Variants in SIRT3 observed in about 807,000 individuals in gnomAD.
SIRT3 encodes the protein sirtuin 3.
SIRT3 carries 26 observed loss-of-function variants against 33.5 expected under a neutral mutation model. That is an observed-to-expected ratio of 0.78 (90% confidence interval 0.57 to 1.08). The LOEUF (loss-of-function observed/expected upper bound fraction) is 1.08. Among genes scored for constraint, SIRT3 ranks in the 50% least tolerant of loss-of-function variants. SIRT3 has a pLI of 0.00. For missense variants in SIRT3, 585 were observed against 530.1 expected, an observed-to-expected ratio of 1.10 and a Z score of -1.02; for synonymous variants, 237 against 222.1, an observed-to-expected ratio of 1.07 and a Z score of -0.60.
chr11:222,091 C>G (rs1474082882), intron 5 of SIRT3, among the ~76,000 whole-genome samples: 2 of 152,184 alleles, frequency 1.3e-5, no homozygotes, highest in Non-Finnish European at 2.9e-5. Flanking sequence ...GTGTCCACAC[C>G]TGGTGGCCAG....
Position 223,697 on chromosome 11 carries a change from T to C in SIRT3, c.969+381A>G, listed in dbSNP as rs1856739772. ...CTCCAAAGCCCAGCAGCTTCCCACC[T>C]TCCTGTCTCCTGCACAGGCTGCTGC... On this transcript the variant is annotated intron_variant, in intron 5 of 6. Coordinates refer to ENST00000382743, the MANE Select transcript of SIRT3 (RefSeq NM_012239.6). The surrounding 1 kb of genome is among the most constrained non-coding windows in gnomAD (Gnocchi z 4.8). 1.6e-6 allele frequency: 1 copy of C among 617,400 alleles called. No homozygotes were observed. The highest frequency in any genetic ancestry group is 1.5e-5 in the South Asian group (1 of 66,356). The allele number at this position is 617,400 out of a possible 1,614,324, so 38.2% of individuals were successfully genotyped here.
chr11:219,167 A>G lies in SIRT3; in HGVS notation c.970-126T>C, dbSNP rs1856070933. 7.5e-6 allele frequency: 9 copies of G among 1,197,116 alleles called. No individual in the cohort carries two copies. The Admixed American group carries it at 7.7e-5, about 10-fold the overall frequency. 74.2% of individuals were successfully genotyped at this position (1,197,116 alleles called of 1,614,324 possible). A position where few individuals can be genotyped will look rare whatever the true frequency, so the allele number is the denominator to read the frequency against. ...GGCAGTCAGAGCCTGCGATATAGGGAAAACCCACCACCAATCTCATTTCTT... is the reference window on the plus strand; with the variant it reads ...GGCAGTCAGAGCCTGCGATATAGGGGAAACCCACCACCAATCTCATTTCTT... On this transcript the variant is annotated intron_variant, in intron 5 of 6. Coordinates refer to ENST00000382743, the MANE Select transcript of SIRT3 (RefSeq NM_012239.6).
rs201113817 is a variant in SIRT3, at chr11:215,738, G to A, written c.*960C>T. 6.6e-6 allele frequency: 1 copy of A among 152,318 alleles called. No homozygotes were observed. Among genetic ancestry groups the A allele is most frequent in the Non-Finnish European group, 1.5e-5 (1 of 68,138 alleles). 9.4% of individuals were successfully genotyped at this position (152,318 alleles called of 1,614,324 possible). ...GCTGGGCCTGGGTACAGCCCCAGGA[G>A]AAGGAGCCTGTGCAGAAGTAGCAGT... On this transcript the variant is annotated 3_prime_UTR_variant, in exon 7 of 7. Transcript: ENST00000382743.
upstream of SIRT3, chr11:236,356 G>T: frequency 8.5e-7 from 1 of 1,179,898 alleles, no homozygotes; most frequent in Non-Finnish European, 1.0e-6. Context: ...GAGTCCTCCG[G>T]ACTCGCCCCG....
chr11:225,567 T>C (rs1350360567), intron 4 of SIRT3: 1 of 152,146 alleles, frequency 6.6e-6, no homozygotes, highest in Non-Finnish European at 1.5e-5. Context: ...TCAATGTCTG[T>C]TTTGAGTTGC....
chr11:226,582 T>C (rs573430926), intron 4 of SIRT3, among the ~76,000 whole-genome samples: 4 of 151,196 alleles, frequency 2.6e-5, no homozygotes, highest in African/African-American at 9.7e-5. Flanking sequence ...CTCATCTTTG[T>C]ATTTTTAGTA....
chr11:224,808 C>A (rs7946581), intron 4 of SIRT3, among the ~76,000 whole-genome samples: 23,762 of 151,904 alleles, frequency 0.16, 2,350 homozygotes, highest in Middle Eastern at 0.22. Context: ...ACACAACTTC[C>A]CTTTGCGTCA....
upstream of SIRT3, chr11:236,405 G>T: frequency 8.6e-6 from 3 of 350,248 alleles, no homozygotes; most frequent in Non-Finnish European, 9.9e-6. Flanking sequence ...TCCCACCCCC[G>T]CCCCCGGCGC....
Position 233,078 on chromosome 11 carries a change from T to TAG in SIRT3, c.609_610dup (p.Tyr204SerfsTer70). 6.2e-7 allele frequency: 1 copy of TAG among 1,614,144 alleles called. No homozygotes were observed. Among genetic ancestry groups the TAG allele is most frequent in the Non-Finnish European group, 8.5e-7 (1 of 1,180,024 alleles). On this transcript the variant is annotated frameshift_variant, in exon 3 of 7. Transcript: ENST00000382743. LOFTEE classifies it high-confidence loss of function. ...AAAGTAGTGAGTGACGTTGGGCTTG[T>TAG]AGTTTCCAGGGTACAGCTCCTTGGC...
At chr11:231,340 G>T (rs1454665291) in intron 3 of SIRT3, among the ~76,000 whole-genome samples, 1 of 152,112 alleles carries the variant, frequency 6.6e-6, no homozygotes, top group Admixed American at 6.5e-5. Context: ...AGAGGCTGAG[G>T]CAAAAGGATC....
chr11:221,930 T>C (rs889375581), intron 5 of SIRT3, among the ~76,000 whole-genome samples: 3 of 151,974 alleles, frequency 2.0e-5, no homozygotes, highest in African/African-American at 4.8e-5. Flanking sequence ...CAGAATAAAA[T>C]GCTAACAGTT....
At chr11:219,372 C>T (rs991614593) in intron 5 of SIRT3, among the ~76,000 whole-genome samples, 7 of 152,186 alleles carry the variant, frequency 4.6e-5, no homozygotes, top group African/African-American at 1.7e-4. Flanking sequence ...CCCTGTCCTC[C>T]CCACCTCGCT....
In SIRT3 at chr11:215,736, GAGA is replaced by G. The variant is rs1855579594; in HGVS notation, c.*959_*961del. On this transcript the variant is annotated 3_prime_UTR_variant, in exon 7 of 7. Transcript: ENST00000382743. ...GGGCTGGGCCTGGGTACAGCCCCAG[GAGA>G]AGGAGCCTGTGCAGAAGTAGCAGTT... 1 of 152,264 alleles carries G rather than the reference GAGA, an allele frequency of 6.6e-6. No homozygotes were observed. The highest frequency in any genetic ancestry group is 6.5e-5 in the Admixed American group (1 of 15,274). The allele number at this position is 152,264 out of a possible 1,614,324, so 9.4% of individuals were successfully genotyped here.
intron 3 of SIRT3, among the ~76,000 whole-genome samples, chr11:231,696 C>T (rs1190570359): frequency 6.6e-6 from 1 of 152,218 alleles, no homozygotes; most frequent in East Asian, 1.9e-4. Flanking sequence ...GGAGCTCCCA[C>T]CTTCCCACAA....
In SIRT3 at chr11:233,212, C is replaced by A. The variant is rs11555236; in HGVS notation, c.477G>T (p.Ser159=). The change falls in exon 3 of 7, where the codon TCG becomes TCT. Residue 159 remains serine, a synonymous_variant. Transcript: ENST00000382743. The part of the protein sequence containing the change: ...STPSGIPDFR[S]PGSGLYSNLQ... ...GGTTGCTGTACAGGCCACTCCCCGG[C>A]GATCTGCAGGGAGAGAAGAAAGGCT... is the stretch of plus-strand genomic sequence containing the variant. The A allele has an allele frequency of 0.19, 311,519 of 1,611,950 alleles. 32,023 individuals are homozygous for A. The highest frequency in any genetic ancestry group is 0.23 in the Middle Eastern group (1,381 of 6,056).
At chr11:234,479 A>G (rs927017138) in intron 1 of SIRT3, among the ~76,000 whole-genome samples, 1 of 152,016 alleles carries the variant, frequency 6.6e-6, no homozygotes, top group Non-Finnish European at 1.5e-5. Flanking sequence ...CAGTGTCGCG[A>G]TCTCGGCTCA....
In SIRT3 at chr11:216,548, GAA is replaced by G; in HGVS notation, c.*148_*149del. ...CCAGTCACTGCAGCTCATGGCCTGA[GAA>G]GACATTCCAGTGGCAGCCTCGGGTG... On this transcript the variant is annotated 3_prime_UTR_variant, in exon 7 of 7. Coordinates refer to ENST00000382743, the MANE Select transcript of SIRT3 (RefSeq NM_012239.6). 2.4e-6 allele frequency: 2 copies of G among 826,554 alleles called. No individual in the cohort carries two copies. The highest frequency in any genetic ancestry group is 3.3e-5 in the African/African-American group (2 of 59,934). The allele number at this position is 826,554 out of a possible 1,614,324, so 51.2% of individuals were successfully genotyped here. A position where few individuals can be genotyped will look rare whatever the true frequency, so the allele number is the denominator to read the frequency against.
chr11:233,014 G>C lies in SIRT3; in HGVS notation c.675C>G (p.Leu225=). 2 of 1,614,130 alleles carry C rather than the reference G, an allele frequency of 1.2e-6. No homozygotes were observed. The highest frequency in any genetic ancestry group is 8.5e-7 in the Non-Finnish European group (1 of 1,179,976). The part of the protein sequence containing the change: ...LLHDKGLLLR[L]YTQNIDGLER... ...CAAGCCCATCGATGTTCTGCGTGTA[G>C]AGCCGCAGAAGCAGCCCCTTGTCAT... is the stretch of plus-strand genomic sequence containing the variant. Residue 225 remains leucine, a synonymous_variant, in exon 3 of 7, where the codon CTC becomes CTG. Transcript: ENST00000382743.
At position 233,039 on chromosome 11, in the gene SIRT3, T is replaced by A. The variant is rs772528818; in HGVS notation, c.650A>T (p.His217Leu). The stretch of plus-strand genomic sequence containing the variant: ...GAGCCGCAGAAGCAGCCCCTTGTCA[T>A]GAAGCAGCCGGAGAAAGTAGTGAGT... Reference protein sequence around the residue: ...NVTHYFLRLLHDKGLLLRLYT... With the variant: ...NVTHYFLRLLLDKGLLLRLYT... The change falls in exon 3 of 7, where the codon CAT becomes CTT. Residue 217 changes from histidine (H) to leucine (L), a missense_variant. Transcript: ENST00000382743. 2 of 1,613,916 alleles carry A rather than the reference T, an allele frequency of 1.2e-6. No homozygotes were observed. The highest frequency in any genetic ancestry group is 1.7e-5 in the Admixed American group (1 of 59,996).
Sources: allele counts gnomAD v4.1 joint callset (sites outside exome capture counted in the v4.1 genomes callset), GRCh38; gene constraint gnomAD v4.1.1; non-coding constraint Gnocchi (gnomAD v3.1); transcripts MANE v1.5; gene names NCBI Gene and HGNC (gene_info 2026-07-23, HGNC 2026-07-21).